Variants in TUNAR observed in about 807,000 individuals in gnomAD.
The protein encoded by TUNAR is protein TUNAR.
chr14:95,921,418 C>A (rs975125353), intron 2 of TUNAR, among the ~76,000 whole-genome samples: 3 of 152,242 alleles, frequency 2.0e-5, no homozygotes, highest in Non-Finnish European at 4.4e-5. Context: ...CCACCACACA[C>A]ACTGATCCTA....
chr14:95,877,839 T>C (rs1421855286), intron 2 of TUNAR, among the ~76,000 whole-genome samples: 1 of 152,246 alleles, frequency 6.6e-6, no homozygotes, highest in Non-Finnish European at 1.5e-5. Context: ...ATCACGCTGC[T>C]GCCAACCCCT....
intron 2 of TUNAR, among the ~76,000 whole-genome samples, chr14:95,907,621 G>A (rs1274556295): frequency 6.6e-6 from 1 of 152,180 alleles, no homozygotes; most frequent in Non-Finnish European, 1.5e-5. Flanking sequence ...GCTTTACTGA[G>A]TGTTACAACA....
intron 2 of TUNAR, among the ~76,000 whole-genome samples, chr14:95,879,049 C>G (rs539139365): frequency 1.3e-5 from 2 of 152,154 alleles, no homozygotes; most frequent in Non-Finnish European, 2.9e-5. Context: ...TGCGTGGAGC[C>G]GGCCTTAGCT....
intron 2 of TUNAR, among the ~76,000 whole-genome samples, chr14:95,880,257 A>G (rs1038287355): frequency 5.3e-5 from 8 of 152,322 alleles, no homozygotes; most frequent in Admixed American, 2.0e-4. Context: ...TCTGTACTTT[A>G]AGGTTACATA....
intron 2 of TUNAR, among the ~76,000 whole-genome samples, chr14:95,906,744 G>A (rs983584514): frequency 6.6e-6 from 1 of 152,122 alleles, no homozygotes; most frequent in Admixed American, 6.5e-5. Context: ...TTCCGGTCTT[G>A]GTAGGTTTGA....
intron 2 of TUNAR, among the ~76,000 whole-genome samples, chr14:95,894,872 ACCT>A (rs747060309): frequency 9.9e-5 from 15 of 152,030 alleles, no homozygotes; most frequent in East Asian, 1.9e-4. Context: ...GGACCCAGAG[ACCT>A]CCTGTCCTCA....
chr14:95,923,989 G>T (rs1277444391), exon 3 of TUNAR: 1 of 152,192 alleles, frequency 6.6e-6, no homozygotes, highest in Non-Finnish European at 1.5e-5. Flanking sequence ...ATTTGCAGAT[G>T]AACTTTTGAA....
chr14:95,885,294 A>C (rs1176664800), intron 2 of TUNAR, among the ~76,000 whole-genome samples: 3 of 152,200 alleles, frequency 2.0e-5, no homozygotes, highest in Non-Finnish European at 4.4e-5. Context: ...GCCTTCACTG[A>C]GAGGCCATTA....
At chr14:95,900,493 T>A (rs952139099) in intron 2 of TUNAR, among the ~76,000 whole-genome samples, 1 of 152,034 alleles carries the variant, frequency 6.6e-6, no homozygotes, top group Non-Finnish European at 1.5e-5. Flanking sequence ...GCCAGGCCCA[T>A]CCCAGGGCTG....
intron 2 of TUNAR, among the ~76,000 whole-genome samples, chr14:95,898,342 G>C (rs1889296315): frequency 6.6e-6 from 1 of 152,204 alleles, no homozygotes; most frequent in Admixed American, 6.5e-5. Flanking sequence ...TGTATTACAT[G>C]AGGATAGTCT....
At chr14:95,878,295 C>T (rs1235067671) in intron 2 of TUNAR, among the ~76,000 whole-genome samples, 1 of 152,014 alleles carries the variant, frequency 6.6e-6, no homozygotes, top group African/African-American at 2.4e-5. Flanking sequence ...ATTTAGTTAA[C>T]TGTTTGCTTA....
intron 2 of TUNAR, among the ~76,000 whole-genome samples, chr14:95,883,569 G>T (rs11844473): frequency 6.6e-6 from 1 of 152,222 alleles, no homozygotes; most frequent in African/African-American, 2.4e-5. Context: ...TAGGCCTGGG[G>T]CGTCACCCTC....
chr14:95,908,449 T>C (rs983185973), intron 2 of TUNAR, among the ~76,000 whole-genome samples: 2 of 152,212 alleles, frequency 1.3e-5, no homozygotes, highest in Non-Finnish European at 2.9e-5. Context: ...CGTCCTCCCA[T>C]CTGTCCTCTT....
rs1821467743 is a variant in TUNAR, at chr14:95,890,935, A to G, written c.12+13758A>G. On this transcript the variant is annotated intron_variant, in intron 2 of 2. Coordinates refer to ENST00000678517, the Ensembl canonical transcript of TUNAR. The stretch of plus-strand genomic sequence containing the variant: ...TCTGTGGGCTTACACCGGGACCCAC[A>G]GCACTCGGAGTCCTCAGAAATCATT... Among the ~76,000 whole-genome samples, 4 of 152,338 alleles carry G rather than the reference A, an allele frequency of 2.6e-5. No individual in the cohort carries two copies. The South Asian group carries it at 8.3e-4, about 32-fold the overall frequency.
At chr14:95,914,902 A>G (rs555088723) in intron 2 of TUNAR, among the ~76,000 whole-genome samples, 9 of 152,282 alleles carry the variant, frequency 5.9e-5, no homozygotes, top group African/African-American at 1.9e-4. Flanking sequence ...TTCCTTCCGT[A>G]TCAATTTTTC....
chr14:95,900,712 A>G (rs1478903963), intron 2 of TUNAR, among the ~76,000 whole-genome samples: 3 of 152,244 alleles, frequency 2.0e-5, no homozygotes, highest in African/African-American at 7.2e-5. Flanking sequence ...GGTGGCCAAC[A>G]GTTCTACATA....
chr14:95,912,973 A>G (rs961321783), intron 2 of TUNAR, among the ~76,000 whole-genome samples: 1 of 151,922 alleles, frequency 6.6e-6, no homozygotes, highest in African/African-American at 2.4e-5. Context: ...TTGTATTTTT[A>G]GTAGAGATGG....
chr14:95,914,006 C>T (rs1028568432), intron 2 of TUNAR, among the ~76,000 whole-genome samples: 2 of 152,260 alleles, frequency 1.3e-5, no homozygotes, highest in African/African-American at 2.4e-5. Context: ...GCTGGGATTA[C>T]TGGCGTGAGC....
At chr14:95,877,350 C>A (rs557650118) in intron 2 of TUNAR, among the ~76,000 whole-genome samples, 173 bp downstream of exon 1, 1 of 152,350 alleles carries the variant, frequency 6.6e-6, no homozygotes, top group Non-Finnish European at 1.5e-5. Flanking sequence ...CTGAACTGCC[C>A]GGGCAGACCT....
Sources: gnomAD v4.1 joint callset for allele counts (sites outside exome capture counted in the v4.1 genomes callset) on GRCh38, gnomAD v4.1.1 for gene constraint, MANE v1.5 for transcripts, NCBI Gene and HGNC (gene_info 2026-07-23, HGNC 2026-07-21) for gene names.